The following ZNF823 variants were observed in gnomAD, a reference collection of about 807,000 sequenced individuals.
ZNF823 encodes the protein ZFP 36 for a zinc finger protein.
In ZNF823, 5 loss-of-function variants were observed where a neutral mutation model predicts 11.4. The observed-to-expected ratio is 0.44, with a 90% confidence interval of 0.23 to 0.92. The LOEUF (loss-of-function observed/expected upper bound fraction) is 0.92, where lower values mean the gene tolerates loss of function less well. Ranked by LOEUF, ZNF823 falls within the 40% of genes least tolerant of loss-of-function variation. ZNF823 has a pLI of 0.24. For synonymous variants in ZNF823, 234 were observed against 250.5 expected (o/e 0.93, Z 0.62); for missense variants, 582 against 738.5 (o/e 0.79, Z 2.46).
At chr19:11,724,052 A>T in intron 3 of ZNF823, 142 bp downstream of exon 3, 1 of 656,732 alleles carries the variant, frequency 1.5e-6, no homozygotes, top group Non-Finnish European at 2.4e-6. Context: ...TGTGCGAGTC[A>T]CTGTGCTTGG....
At chr19:11,724,614 A>C (rs1295629026) in intron 2 of ZNF823, among the ~76,000 whole-genome samples, 3 of 141,134 alleles carry the variant, frequency 2.1e-5, no homozygotes, top group Non-Finnish European at 4.5e-5. Flanking sequence ...GCTGGAGTGC[A>C]GTGGCGCGAT....
At chr19:11,723,453 C>A in intron 3 of ZNF823, 111 bp from the exon 4 acceptor site, 2 of 964,628 alleles carry the variant, frequency 2.1e-6, no homozygotes, top group Non-Finnish European at 1.5e-6. Context: ...CAGGCTTCAT[C>A]CCCTGTTTGA....
intron 1 of ZNF823, among the ~76,000 whole-genome samples, chr19:11,727,124 TATA>T (rs1974805320): frequency 6.6e-6 from 1 of 152,352 alleles, no homozygotes; most frequent in South Asian, 2.1e-4. Context: ...CATGATTATC[TATA>T]ATATTTCCTA....
intron 3 of ZNF823, among the ~76,000 whole-genome samples, chr19:11,723,576 A>C (rs1358890162): frequency 6.6e-6 from 1 of 151,752 alleles, no homozygotes; most frequent in Non-Finnish European, 1.5e-5. Context: ...ACGGAGCTTC[A>C]CTCTTGTTGC....
Position 11,734,683 on chromosome 19 carries a change from G to A in ZNF823, c.3+4134C>T, listed in dbSNP as rs573982207. On this transcript the variant is annotated intron_variant, in intron 1 of 3. Coordinates refer to ENST00000341191, the MANE Select transcript of ZNF823 (RefSeq NM_001080493.4). ...CTCCTGAGTAGCTGGGACTATAGGC[G>A]TGTGCCACCACACCTGGGTAATTTT... is the stretch of plus-strand genomic sequence containing the variant. 1.2e-4 allele frequency among the ~76,000 whole-genome samples: 18 copies of A among 152,230 alleles called. No homozygotes were observed. The East Asian group carries it at 3.1e-3, about 26-fold the overall frequency.
chr19:11,725,414 T>G lies in ZNF823; in HGVS notation c.4-87A>C, dbSNP rs1034786530. ...TCACTGCATAAACTTTGCATGATGC[T>G]GTGGTTTCCAAGCATTTATTCGATG... On this transcript the variant is annotated intron_variant, in intron 1 of 3. Transcript: ENST00000341191. 1.3e-5 allele frequency: 20 copies of G among 1,559,178 alleles called. No individual in the cohort carries two copies. The African/African-American group carries it at 2.7e-4, about 21-fold the overall frequency.
intron 1 of ZNF823, among the ~76,000 whole-genome samples, chr19:11,733,266 C>T (rs1974934064): frequency 6.7e-6 from 1 of 149,650 alleles, no homozygotes. Flanking sequence ...ACTCAGGAGA[C>T]TGAGGCAGGA....
At chr19:11,728,112 C>A (rs1200879285) in intron 1 of ZNF823, among the ~76,000 whole-genome samples, 1 of 152,056 alleles carries the variant, frequency 6.6e-6, no homozygotes, top group Non-Finnish European at 1.5e-5. Flanking sequence ...CTCCTGACCT[C>A]GTAATCCGCC....
intron 3 of ZNF823, among the ~76,000 whole-genome samples, chr19:11,723,944 T>TA (rs1974743364): frequency 6.6e-6 from 1 of 152,174 alleles, no homozygotes; most frequent in African/African-American, 2.4e-5. Flanking sequence ...AATTTTTTTT[T>TA]ATAGAGATGG....
intron 1 of ZNF823, chr19:11,730,915 T>C (rs966381918): frequency 6.7e-6 from 1 of 148,974 alleles, no homozygotes; most frequent in African/African-American, 2.5e-5. Context: ...ACAATTCAAG[T>C]CCTATGAGCC....
intron 1 of ZNF823, among the ~76,000 whole-genome samples, chr19:11,729,099 CG>C (rs1276730103): frequency 1.3e-5 from 2 of 151,256 alleles, no homozygotes; most frequent in African/African-American, 4.9e-5. Flanking sequence ...CACTTGAACC[CG>C]GGAGGCGGAG....
chr19:11,738,043 A>G (rs576701179), intron 1 of ZNF823, among the ~76,000 whole-genome samples: 1 of 152,288 alleles, frequency 6.6e-6, no homozygotes, highest in African/African-American at 2.4e-5. Flanking sequence ...CCGGGTTCAC[A>G]GGAACTGCGA....
chr19:11,724,381 A>T (rs1461712541), intron 2 of ZNF823, 127 bp from the exon 3 acceptor site: 8 of 785,300 alleles, frequency 1.0e-5, no homozygotes, highest in Admixed American at 2.9e-5. Flanking sequence ...TCAACAACAC[A>T]GGTTTGAACT....
At chr19:11,725,696 T>C (rs1408610897) in intron 1 of ZNF823, among the ~76,000 whole-genome samples, 1 of 152,168 alleles carries the variant, frequency 6.6e-6, no homozygotes, top group Non-Finnish European at 1.5e-5. Context: ...AAACTGCATA[T>C]CCTGACAAAT....
chr19:11,723,568 G>A (rs553711786), intron 3 of ZNF823, among the ~76,000 whole-genome samples: 7 of 151,758 alleles, frequency 4.6e-5, no homozygotes, highest in African/African-American at 1.2e-4. Context: ...TTTTTGAGAC[G>A]GAGCTTCACT....
At chr19:11,726,482 G>T (rs187632106) in intron 1 of ZNF823, among the ~76,000 whole-genome samples, 1 of 151,266 alleles carries the variant, frequency 6.6e-6, no homozygotes, top group Non-Finnish European at 1.5e-5. Flanking sequence ...GGGGCTTTAA[G>T]ACTTGATTGG....
At chr19:11,732,127 GGTATT>G (rs1248070488) in intron 1 of ZNF823, among the ~76,000 whole-genome samples, 1 of 151,322 alleles carries the variant, frequency 6.6e-6, no homozygotes, top group African/African-American at 2.4e-5. Context: ...ATGGAAAAGA[GGTATT>G]CAGCAAGGGA....
rs556338921 is a variant in ZNF823 at position 11,733,161 on chromosome 19, G to A, written c.3+5656C>T. Among the ~76,000 whole-genome samples the A allele has an allele frequency of 8.5e-5, 13 of 152,182 alleles. No homozygotes were observed. The South Asian group carries it at 2.7e-3, about 32-fold the overall frequency. ...AGGTGGGCAGATCATGAGGTCAAGA[G>A]ATCAAGACCATGCTGGCCAACATGG... On this transcript the variant is annotated intron_variant, in intron 1 of 3. Transcript: ENST00000341191.
intron 1 of ZNF823, chr19:11,730,703 A>G (rs1324658359): frequency 1.3e-5 from 2 of 152,224 alleles, no homozygotes; most frequent in African/African-American, 4.8e-5. Flanking sequence ...CATGGAGATA[A>G]ATATTTATAA....
Sources: allele counts gnomAD v4.1 joint callset (sites outside exome capture counted in the v4.1 genomes callset), GRCh38; gene constraint gnomAD v4.1.1; transcripts MANE v1.5; gene names NCBI Gene and HGNC (gene_info 2026-07-23, HGNC 2026-07-21).